The following DUOX1 variants were observed in gnomAD, a reference collection of about 807,000 sequenced individuals.
DUOX1 encodes dual oxidase 1, also known as NADPH thyroid oxidase 1.
Under a neutral mutation model 181.8 loss-of-function variants are expected in DUOX1, and 134 were observed. The ratio of observed to expected loss-of-function variants is 0.74; its 90% CI spans 0.64 to 0.85. The LOEUF (loss-of-function observed/expected upper bound fraction) is 0.85. Among genes scored for constraint, DUOX1 ranks in the 40% least tolerant of loss-of-function variants. DUOX1 has a pLI of 0.00. For missense variants in DUOX1, 1,814 were observed against 2,064.4 expected (o/e 0.88, Z 2.35); for synonymous variants, 798 against 832.5 (o/e 0.96, Z 0.71).
chr15:45,136,314 A>G, intron 7 of DUOX1, 36 bp from the exon 8 acceptor site: 1 of 1,612,138 alleles, frequency 6.2e-7, no homozygotes, highest in Non-Finnish European at 8.5e-7. Context: ...CTCCCCATCC[A>G]ACTCGTGCCT....
Position 45,141,368 on chromosome 15 carries a change from G to T in DUOX1, c.1642G>T (p.Asp548Tyr). ...QDVLVAVINI[D>Y]PSALQPNVFV... is the part of the protein sequence containing the mutation. ...CGTGCTGGTCGCTGTTATCAACATT[G>T]ACCCCAGTGCTCTGCAGCCCAATGT... The change falls in exon 14 of 34, where the codon GAC becomes TAC. Residue 548 changes from aspartate to tyrosine, a missense_variant. Around this residue, in one of 5 missense-constraint regions of DUOX1, gnomAD observed 1,064 missense variants for 1,152.9 expected, o/e 0.92. Coordinates refer to ENST00000389037, the MANE Select transcript of DUOX1 (RefSeq NM_175940.3). 6.2e-7 allele frequency: 1 copy of T among 1,614,220 alleles called. No homozygotes were observed. The highest frequency in any genetic ancestry group is 2.2e-5 in the East Asian group (1 of 44,882).
At chr15:45,150,548 G>A (rs1289281101) in intron 21 of DUOX1, 84 bp from the exon 22 acceptor site, 4 of 1,292,198 alleles carry the variant, frequency 3.1e-6, no homozygotes, top group Non-Finnish European at 4.5e-6. Context: ...CTGAGCATGG[G>A]ATGGTAGGAG....
chr15:45,153,585 T>C (rs1433890636), intron 26 of DUOX1, 106 bp downstream of exon 26: 1 of 1,210,338 alleles, frequency 8.3e-7, no homozygotes, highest in South Asian at 1.2e-5. Flanking sequence ...AAAGAAATTA[T>C]CTGGCTCCAG....
intron 11 of DUOX1, 28 bp from the exon 12 acceptor site, chr15:45,139,399 C>T (rs1213290048): frequency 6.2e-7 from 1 of 1,609,520 alleles, no homozygotes; most frequent in African/African-American, 1.3e-5. Context: ...CCTGAGCTCC[C>T]TCAGACTGTC....
intron 21 of DUOX1, among the ~76,000 whole-genome samples, chr15:45,149,413 C>T (rs1387411520): frequency 6.6e-6 from 1 of 152,224 alleles, no homozygotes; most frequent in Non-Finnish European, 1.5e-5. Context: ...GGAGCCCACA[C>T]CACAGAGTCC....
At chr15:45,139,364 CTGGACTGGACACTGCTGTGG>C in intron 11 of DUOX1, 43 bp from the exon 12 acceptor site, 1 of 1,593,046 alleles carries the variant, frequency 6.3e-7, no homozygotes, top group Non-Finnish European at 8.5e-7. Flanking sequence ...AGCTTGGGGC[CTGGACTGGACACTGCTGTGG>C]TGGCCCTGAG....
chr15:45,158,709 A>G (rs1897024315), intron 28 of DUOX1, among the ~76,000 whole-genome samples: 2 of 149,376 alleles, frequency 1.3e-5, no homozygotes, highest in South Asian at 4.3e-4. Context: ...TCAAAAAAAA[A>G]AAAAAAAAAA....
At chr15:45,164,214 A>G (rs1200783719) in intron 33 of DUOX1, among the ~76,000 whole-genome samples, 8 of 136,542 alleles carry the variant, frequency 5.9e-5, no homozygotes, top group Non-Finnish European at 1.2e-4. Context: ...CACTACCCTC[A>G]CCAATACTGA....
At chr15:45,160,695 G>A in intron 28 of DUOX1, 142 bp from the exon 29 acceptor site, 1 of 909,774 alleles carries the variant, frequency 1.1e-6, no homozygotes, top group Non-Finnish European at 1.4e-6. Context: ...GTGAGGTTTT[G>A]CAACCTAGAA....
At position 45,155,942 on chromosome 15, in the gene DUOX1, G is replaced by C. The variant is rs1395698673; in HGVS notation, c.3702+13G>C. 6.2e-7 allele frequency: 1 copy of C among 1,614,166 alleles called. No homozygotes were observed. Among genetic ancestry groups the C allele is most frequent in the Admixed American group, 1.7e-5 (1 of 60,022 alleles). On this transcript the variant is annotated intron_variant, in intron 28 of 33. Coordinates refer to ENST00000389037, the MANE Select transcript of DUOX1 (RefSeq NM_175940.3). ...GCTCTATGTCCTGGTGAGGGCTTTT[G>C]GCTGTGAGCCAGGCCAGGAGGGTAT...
chr15:45,144,115 T>C lies in DUOX1; in HGVS notation c.2016T>C (p.Asp672=), dbSNP rs570397547. 8 of 1,614,084 alleles carry C rather than the reference T, an allele frequency of 5.0e-6. No individual in the cohort carries two copies. Among genetic ancestry groups the C allele is most frequent in the Middle Eastern group, 1.6e-4 (1 of 6,062 alleles). Reference sequence around the variant, plus strand: ...AGCCCGGGCAGATCCGTGTGGTAGATGGCAGGCTCACCGTGCTCCGCACCA... The same window carrying C: ...AGCCCGGGCAGATCCGTGTGGTAGACGGCAGGCTCACCGTGCTCCGCACCA... ...YLQPGQIRVV[D]GRLTVLRTIQ... is the part of the protein sequence containing the mutation. Residue 672 remains aspartate, a synonymous_variant, in exon 17 of 34, where the codon GAT becomes GAC. Coordinates refer to ENST00000389037, the MANE Select transcript of DUOX1 (RefSeq NM_175940.3).
chr15:45,147,361 C>A, intron 18 of DUOX1, 72 bp from the exon 19 acceptor site: 1 of 1,552,890 alleles, frequency 6.4e-7, no homozygotes, highest in South Asian at 1.2e-5. Context: ...GTGGCTCCTA[C>A]AGGGCTCAGC....
intron 28 of DUOX1, among the ~76,000 whole-genome samples, chr15:45,160,397 C>A (rs1296803813): frequency 6.6e-6 from 1 of 152,188 alleles, no homozygotes; most frequent in Non-Finnish European, 1.5e-5. Flanking sequence ...GAACGGCTGG[C>A]AGGCAGAAGT....
intron 12 of DUOX1, chr15:45,140,656 G>T: frequency 2.4e-6 from 1 of 422,584 alleles, no homozygotes; most frequent in Non-Finnish European, 4.2e-6. Context: ...GGATTGGCTG[G>T]CTGTTTTATT....
chr15:45,157,694 C>T (rs1896997737), intron 28 of DUOX1, among the ~76,000 whole-genome samples: 1 of 151,880 alleles, frequency 6.6e-6, no homozygotes, highest in South Asian at 2.1e-4. Flanking sequence ...TGACGCACAC[C>T]TATAGTCCTA....
chr15:45,135,119 C>A lies in DUOX1; in HGVS notation c.323C>A (p.Ser108Ter). The A allele has an allele frequency of 6.2e-7, 1 of 1,613,786 alleles. No homozygotes were observed. The highest frequency in any genetic ancestry group is 8.5e-7 in the Non-Finnish European group (1 of 1,179,910). The change falls in exon 5 of 34, where the codon TCA becomes TAA. Residue 108 changes from serine (S) to a stop codon, truncating the protein, a stop_gained. Coordinates refer to ENST00000389037, the MANE Select transcript of DUOX1 (RefSeq NM_175940.3). LOFTEE classifies it high-confidence loss of function. ...LGVFFGYHVLSDLVSVETPGC... is the reference protein window; with the variant it reads ...LGVFFGYHVL Reference sequence around the variant, plus strand: ...CTGCCCGCAGGCTATCACGTGCTTTCAGACCTGGTGAGCGTGGAAACTCCC... The same window carrying A: ...CTGCCCGCAGGCTATCACGTGCTTTAAGACCTGGTGAGCGTGGAAACTCCC...
Position 45,152,352 on chromosome 15 carries a change from G to A in DUOX1, c.3260G>A (p.Arg1087Gln). The A allele has an allele frequency of 3.7e-6, 6 of 1,614,086 alleles. No homozygotes were observed. Among genetic ancestry groups the A allele is most frequent in the Non-Finnish European group, 5.1e-6 (6 of 1,179,972 alleles). The change falls in exon 25 of 34, where the codon CGG becomes CAG. Residue 1087 changes from arginine (R) to glutamine (Q), a missense_variant. Coordinates refer to ENST00000389037, the MANE Select transcript of DUOX1 (RefSeq NM_175940.3). ...ACCCGCGTGGGAATCATCCTGTCGC[G>A]GGGCACAGCAGCCAGCATCTCTTTC... ...DTTRVGIILS[R>Q]GTAASISFMF...
chr15:45,137,994 A>G lies in DUOX1; in HGVS notation c.1093A>G (p.Asn365Asp). The change falls in exon 10 of 34, where the codon AAC (asparagine) becomes GAC (aspartate). Residue 365 changes from asparagine (N) to aspartate (D), a missense_variant. By Grantham distance (23) the Asn-to-Asp change is conservative (BLOSUM62 1). This residue lies in a region of DUOX1 where 1,064 missense variants were observed against 1,152.9 expected (regional missense o/e 0.92). Transcript: ENST00000389037. Reference sequence around the variant, plus strand: ...TGTCTCCAGAGCTCTCCGGGTCTGCAACAGCTACTGGAGCCGTGAGGTCCG... The same window carrying G: ...TGTCTCCAGAGCTCTCCGGGTCTGCGACAGCTACTGGAGCCGTGAGGTCCG... Reference protein sequence around the residue: ...SSVSRALRVCNSYWSREHPSL... With the variant: ...SSVSRALRVCDSYWSREHPSL... 6.2e-7 allele frequency: 1 copy of G among 1,610,372 alleles called. No homozygotes were observed. Among genetic ancestry groups the G allele is most frequent in the South Asian group, 1.1e-5 (1 of 90,550 alleles).
rs1313043977 is a variant in DUOX1 at position 45,164,924 on chromosome 15, C to T, written c.*23C>T. 6.2e-7 allele frequency: 1 copy of T among 1,613,380 alleles called. No homozygotes were observed. The highest frequency in any genetic ancestry group is 1.7e-5 in the Admixed American group (1 of 60,010). On this transcript the variant is annotated 3_prime_UTR_variant, in exon 34 of 34. Transcript: ENST00000389037. ...TAGGCCCCTGCCCGGGGGTTCTGCC[C>T]ACTGCCCAGTTGAGCAGAGGTTTGA...
Sources: gnomAD v4.1 joint callset for allele counts (sites outside exome capture counted in the v4.1 genomes callset) on GRCh38, gnomAD v4.1.1 for gene constraint, gnomAD v4.1.1 regional missense constraint, MANE v1.5 for transcripts, NCBI Gene and HGNC (gene_info 2026-07-23, HGNC 2026-07-21) for gene names.